Variants in AKT3 observed in about 807,000 individuals in gnomAD.
AKT3 encodes RAC-gamma serine/threonine-protein kinase.
Under a neutral mutation model 65.3 loss-of-function variants are expected in AKT3, and 15 were observed. That is an observed-to-expected ratio of 0.23 (90% CI 0.15 to 0.35). The LOEUF is 0.35. Ranked by LOEUF, AKT3 falls within the 10% of genes least tolerant of loss-of-function variation. The pLI is 1.00. For missense variants in AKT3, 243 were observed against 576.5 expected (o/e 0.42, Z 5.92); for synonymous variants, 206 against 183.8 (o/e 1.12, Z -0.98).
Position 243,552,772 on chromosome 1 carries a change from T to C in AKT3, c.1120A>G (p.Lys374Glu), listed in dbSNP as rs771570730. The stretch of plus-strand genomic sequence containing the variant: ...ATCAAGAGCCCTGAAAGCAATGATT[T>C]TGCATCTGAAGAGAGTGTTCGAGGA... ...KFPRTLSSDA[K>E]SLLSGLLIKD... Residue 374 changes from lysine to glutamate, a missense_variant, in exon 11 of 14, where the codon AAA becomes GAA. By Grantham distance (56) the Lys-to-Glu change is moderately conservative (BLOSUM62 1). Coordinates refer to ENST00000673466, the MANE Select transcript of AKT3 (RefSeq NM_005465.7). The C allele has an allele frequency of 6.2e-7, 1 of 1,613,954 alleles. No homozygotes were observed. Among genetic ancestry groups the C allele is most frequent in the Non-Finnish European group, 8.5e-7 (1 of 1,179,920 alleles).
intron 8 of AKT3, among the ~76,000 whole-genome samples, chr1:243,609,809 G>C (rs1442831977): frequency 6.6e-6 from 1 of 152,070 alleles, no homozygotes; most frequent in Non-Finnish European, 1.5e-5. Context: ...CTGAAAATCT[G>C]CTTTTAGTGT....
At chr1:243,532,127 G>C (rs898079097) in intron 12 of AKT3, among the ~76,000 whole-genome samples, 3 of 152,076 alleles carry the variant, frequency 2.0e-5, no homozygotes, top group Non-Finnish European at 4.4e-5. Context: ...AACTCCTCTG[G>C]CTACAGCTTC....
intron 4 of AKT3, among the ~76,000 whole-genome samples, chr1:243,661,257 C>T (rs543985160): frequency 0.012 from 1,794 of 152,272 alleles, 30 homozygotes; most frequent in African/African-American, 0.042. Context: ...CAAGTCAATC[C>T]TAAGCCAAAA....
chr1:243,558,208 TACA>T (rs1673536048), intron 10 of AKT3, among the ~76,000 whole-genome samples: 1 of 152,074 alleles, frequency 6.6e-6, no homozygotes, highest in Non-Finnish European at 1.5e-5. Context: ...TTCCCACACC[TACA>T]ACACTAGTCC....
chr1:243,508,652 A>T (rs1669822028), intron 13 of AKT3, among the ~76,000 whole-genome samples: 1 of 111,678 alleles, frequency 9.0e-6, no homozygotes, highest in South Asian at 3.0e-4. Flanking sequence ...CACAAAAGCC[A>T]GACTTTTTTT....
intron 3 of AKT3, among the ~76,000 whole-genome samples, chr1:243,667,730 T>A (rs1682894999): frequency 6.6e-6 from 1 of 152,064 alleles, no homozygotes; most frequent in Non-Finnish European, 1.5e-5. Context: ...AATAGATGAG[T>A]AAGGCCTTTA....
chr1:243,601,882 C>T (rs915578378), intron 8 of AKT3, among the ~76,000 whole-genome samples: 3 of 152,044 alleles, frequency 2.0e-5, no homozygotes, highest in African/African-American at 7.2e-5. Context: ...CCTCTTTTTC[C>T]TCCTCAGGGT....
chr1:243,608,750 T>A (rs1337984236), intron 8 of AKT3, among the ~76,000 whole-genome samples: 4 of 34,158 alleles, frequency 1.2e-4, no homozygotes, highest in Non-Finnish European at 1.5e-4. Flanking sequence ...TTGCTTTTTT[T>A]TTTTTTTTTT....
intron 2 of AKT3, among the ~76,000 whole-genome samples, chr1:243,727,113 G>A (rs775001111): frequency 6.6e-6 from 1 of 152,156 alleles, no homozygotes; most frequent in Non-Finnish European, 1.5e-5. Context: ...ACATTTAAAA[G>A]GAGCCTAACC....
At chr1:243,585,773 A>C (rs1452006665) in intron 8 of AKT3, among the ~76,000 whole-genome samples, 1 of 152,210 alleles carries the variant, frequency 6.6e-6, no homozygotes, top group Admixed American at 6.5e-5. Context: ...GTAAAACCTC[A>C]AACTATAAGA....
intron 2 of AKT3, among the ~76,000 whole-genome samples, chr1:243,710,547 A>G (rs980542224): frequency 1.3e-5 from 2 of 152,222 alleles, no homozygotes; most frequent in Admixed American, 1.3e-4. Context: ...CTTAAATACT[A>G]AATTAGGTGG....
intron 3 of AKT3, among the ~76,000 whole-genome samples, chr1:243,689,068 A>G (rs1020925782): frequency 6.6e-6 from 1 of 152,172 alleles, no homozygotes; most frequent in African/African-American, 2.4e-5. Flanking sequence ...CTCAACTTCT[A>G]CAGCAGCTAC....
At chr1:243,819,289 G>A (rs937661488) in intron 2 of AKT3, among the ~76,000 whole-genome samples, 26 of 152,206 alleles carry the variant, frequency 1.7e-4, no homozygotes, top group Non-Finnish European at 3.1e-4. Flanking sequence ...AGCTCCAGTT[G>A]GCCGTTTTTT....
chr1:243,697,257 T>G (rs557826484), intron 2 of AKT3, among the ~76,000 whole-genome samples: 1 of 152,016 alleles, frequency 6.6e-6, no homozygotes, highest in Non-Finnish European at 1.5e-5. Context: ...CTGCTTTCCA[T>G]TTTTACAAAT....
intron 8 of AKT3, among the ~76,000 whole-genome samples, chr1:243,583,158 G>GTATATA (rs1417114493): frequency 1.3e-5 from 1 of 79,798 alleles, no homozygotes; most frequent in African/African-American, 4.2e-5. Context: ...TCTCTTCCAT[G>GTATATA]TATATGTGTG....
intron 9 of AKT3, among the ~76,000 whole-genome samples, chr1:243,565,019 C>T (rs1674053288): frequency 6.6e-6 from 1 of 152,054 alleles, no homozygotes; most frequent in Non-Finnish European, 1.5e-5. Context: ...TCTTATAAAC[C>T]AGACACTAAA....
rs554955786 is a variant in AKT3, at chr1:243,840,282, A to G, written c.46+2843T>C. Among the ~76,000 whole-genome samples, 17 of 152,312 alleles carry G rather than the reference A, an allele frequency of 1.1e-4. No homozygotes were observed. The East Asian group carries it at 3.1e-3, about 28-fold the overall frequency. ...AGCTCTGGAGTACAAAGAGAGCGTAAGAAATCCATTTGTTCTCCAATGAGA... is the reference window on the plus strand; with the variant it reads ...AGCTCTGGAGTACAAAGAGAGCGTAGGAAATCCATTTGTTCTCCAATGAGA... On this transcript the variant is annotated intron_variant, in intron 2 of 13. Transcript: ENST00000673466.
At chr1:243,804,581 T>C (rs1248691823) in intron 2 of AKT3, among the ~76,000 whole-genome samples, 1 of 152,220 alleles carries the variant, frequency 6.6e-6, no homozygotes, top group Non-Finnish European at 1.5e-5. Flanking sequence ...ATGCGGTGGC[T>C]CACGCCTGTA....
At chr1:243,703,812 T>C (rs986221628) in intron 2 of AKT3, among the ~76,000 whole-genome samples, 1 of 150,574 alleles carries the variant, frequency 6.6e-6, no homozygotes, top group Non-Finnish European at 1.5e-5. Context: ...ATTTTGTTCA[T>C]ATTATCTACA....
Sources: gnomAD v4.1 joint callset for allele counts (sites outside exome capture counted in the v4.1 genomes callset) on GRCh38, gnomAD v4.1.1 for gene constraint, MANE v1.5 for transcripts, NCBI Gene and HGNC (gene_info 2026-07-23, HGNC 2026-07-21) for gene names.